XPR1: variants seen among roughly 807,000 people sequenced by gnomAD.
XPR1 encodes xenotropic and polytropic retrovirus receptor 1.
A neutral mutation model predicts 87.5 loss-of-function variants in XPR1; 28 were observed. The observed-to-expected ratio is 0.32, with a 90% CI of 0.24 to 0.44. The LOEUF is 0.44. XPR1 is among the 20% of genes least tolerant of loss of function. XPR1 has a pLI of 1.00. For missense variants in XPR1, 559 were observed against 862.3 expected (o/e 0.65, Z 4.41); for synonymous variants, 300 against 306.1 (o/e 0.98, Z 0.21).
chr1:180,672,023 T>A (rs1017111612), intron 1 of XPR1, among the ~76,000 whole-genome samples: 1 of 152,174 alleles, frequency 6.6e-6, no homozygotes, highest in Admixed American at 6.5e-5. Flanking sequence ...TTGAACATTC[T>A]GAGTTTGTGT....
intron 2 of XPR1, among the ~76,000 whole-genome samples, chr1:180,707,777 T>C (rs745639762): frequency 4.6e-5 from 7 of 152,228 alleles, no homozygotes; most frequent in Non-Finnish European, 1.0e-4. Flanking sequence ...GCAAAATATT[T>C]TAGAAATATT....
chr1:180,670,346 GT>G (rs1465931294), intron 1 of XPR1, among the ~76,000 whole-genome samples: 3 of 151,896 alleles, frequency 2.0e-5, no homozygotes, highest in Admixed American at 6.6e-5. Context: ...GTAGTGAAAT[GT>G]TTACATTTCT....
rs911933449 is a variant in XPR1, at chr1:180,846,787, C to T, written c.1501+10071C>T. Among the ~76,000 whole-genome samples, 26 of 150,808 alleles carry T rather than the reference C, an allele frequency of 1.7e-4. 1 individual carries two copies. Among genetic ancestry groups the T allele is most frequent in the Non-Finnish European group, 3.5e-4 (24 of 67,866 alleles). On this transcript the variant is annotated intron_variant, in intron 11 of 14. Coordinates refer to ENST00000367590, the MANE Select transcript of XPR1 (RefSeq NM_004736.4). ...TGATACTTTGGATAGGTATAAGATA[C>T]GGTTTTCATGAAAATATTCAGAGTG...
intron 2 of XPR1, among the ~76,000 whole-genome samples, chr1:180,759,168 A>G (rs1033621939): frequency 6.6e-6 from 1 of 152,248 alleles, no homozygotes; most frequent in African/African-American, 2.4e-5. Flanking sequence ...AAAGCAGGAA[A>G]GATCTAAAAT....
At chr1:180,653,438 A>G (rs891259267) in intron 1 of XPR1, among the ~76,000 whole-genome samples, 1 of 152,194 alleles carries the variant, frequency 6.6e-6, no homozygotes, top group Non-Finnish European at 1.5e-5. Context: ...TGGCACTTCA[A>G]ATTAGTGGGC....
intron 7 of XPR1, among the ~76,000 whole-genome samples, chr1:180,815,173 T>C (rs1377671800): frequency 6.6e-6 from 1 of 152,130 alleles, no homozygotes; most frequent in Non-Finnish European, 1.5e-5. Context: ...CATGGTGGTA[T>C]TATCATCATT....
chr1:180,766,959 T>C (rs1179255989), intron 2 of XPR1, among the ~76,000 whole-genome samples: 7 of 152,206 alleles, frequency 4.6e-5, no homozygotes, highest in Non-Finnish European at 5.9e-5. Context: ...ATAGTCATGA[T>C]GCTACATAAA....
chr1:180,877,653 TAC>T (rs1652705755), intron 13 of XPR1, among the ~76,000 whole-genome samples: 1 of 152,194 alleles, frequency 6.6e-6, no homozygotes, highest in East Asian at 1.9e-4. Flanking sequence ...GGATGGTAAT[TAC>T]ACAGTGAGTC....
chr1:180,858,563 C>T (rs1168207610), intron 11 of XPR1, among the ~76,000 whole-genome samples: 1 of 152,174 alleles, frequency 6.6e-6, no homozygotes, highest in Non-Finnish European at 1.5e-5. Context: ...GAGGATTCCT[C>T]ATTCTGGTTC....
At chr1:180,676,256 T>C (rs1656366821) in intron 1 of XPR1, among the ~76,000 whole-genome samples, 1 of 152,222 alleles carries the variant, frequency 6.6e-6, no homozygotes, top group African/African-American at 2.4e-5. Flanking sequence ...ATTGAGCGCC[T>C]ACTGTGTATA....
At position 180,827,807 on chromosome 1, in the gene XPR1, T is replaced by C. The variant is rs551232578; in HGVS notation, c.1134+2463T>C. ...ATTAACAAGAATGTGTTCACTCTAG[T>C]TATGTTTTTCTGATACCGCTTTTTA... On this transcript the variant is annotated intron_variant, in intron 9 of 14. Coordinates refer to ENST00000367590, the MANE Select transcript of XPR1 (RefSeq NM_004736.4). Among the ~76,000 whole-genome samples the C allele has an allele frequency of 9.8e-5, 15 of 152,298 alleles. No homozygotes were observed. In the South Asian group the frequency reaches 3.1e-3, roughly 32 times the overall value.
chr1:180,674,340 C>T (rs1405112589), intron 1 of XPR1, among the ~76,000 whole-genome samples: 2 of 152,196 alleles, frequency 1.3e-5, no homozygotes, highest in African/African-American at 4.8e-5. Flanking sequence ...CTCACCACAA[C>T]TGCCGCCTCC....
chr1:180,789,946 G>A (rs1331229554), intron 3 of XPR1, among the ~76,000 whole-genome samples: 1 of 152,032 alleles, frequency 6.6e-6, no homozygotes, highest in African/African-American at 2.4e-5. Context: ...CTTCCTGTGG[G>A]TCCTAATCAA....
chr1:180,725,460 C>T (rs1460987150), intron 2 of XPR1, among the ~76,000 whole-genome samples: 1 of 152,106 alleles, frequency 6.6e-6, no homozygotes, highest in African/African-American at 2.4e-5. Flanking sequence ...AATAAAAAAG[C>T]CCCATCTCTA....
intron 2 of XPR1, among the ~76,000 whole-genome samples, chr1:180,767,505 G>A (rs1412861358): frequency 1.3e-5 from 2 of 152,014 alleles, no homozygotes; most frequent in African/African-American, 2.4e-5. Flanking sequence ...GATTCCTATA[G>A]CATGGGTAAA....
intron 1 of XPR1, among the ~76,000 whole-genome samples, chr1:180,682,135 T>C (rs1168162107): frequency 6.6e-6 from 1 of 152,216 alleles, no homozygotes; most frequent in Non-Finnish European, 1.5e-5. Flanking sequence ...TGTTCCTTAA[T>C]TTTAAAGTAT....
At chr1:180,693,877 C>G (rs900475759) in intron 2 of XPR1, among the ~76,000 whole-genome samples, 23 of 152,106 alleles carry the variant, frequency 1.5e-4, no homozygotes, top group African/African-American at 5.3e-4. Flanking sequence ...ATCACAGATT[C>G]TAGGGATTTG....
At chr1:180,837,063 A>C (rs1295294314) in intron 11 of XPR1, among the ~76,000 whole-genome samples, 1 of 152,192 alleles carries the variant, frequency 6.6e-6, no homozygotes, top group African/African-American at 2.4e-5. Context: ...CTTGGTGAAA[A>C]AAAATTCCCT....
chr1:180,797,638 C>T (rs1649635804), intron 3 of XPR1, among the ~76,000 whole-genome samples: 1 of 152,146 alleles, frequency 6.6e-6, no homozygotes, highest in Admixed American at 6.6e-5. Context: ...AATTTTATTA[C>T]ATATGATATT....
Sources: allele counts gnomAD v4.1 joint callset (sites outside exome capture counted in the v4.1 genomes callset), GRCh38; gene constraint gnomAD v4.1.1; transcripts MANE v1.5; gene names NCBI Gene and HGNC (gene_info 2026-07-23, HGNC 2026-07-21).